Variants in HTATIP2 observed in about 807,000 individuals in gnomAD.
HTATIP2 encodes the protein HIV-1 Tat interactive protein 2, also known as protein HTATIP2.
HTATIP2 carries 26 observed loss-of-function variants against 24.7 expected under a neutral mutation model. That is an observed-to-expected ratio of 1.05 (90% CI 0.77 to 1.46). The LOEUF (loss-of-function observed/expected upper bound fraction) is 1.46. Among genes scored for constraint, HTATIP2 ranks in the 40% most tolerant of loss-of-function variants. The pLI is 0.00. For synonymous variants in HTATIP2, 99 were observed against 113.2 expected, an observed-to-expected ratio of 0.87 and a Z score of 0.79; for missense variants, 284 against 289.6, an observed-to-expected ratio of 0.98 and a Z score of 0.14.
chr11:20,364,224 G>T lies in HTATIP2; in HGVS notation c.-14G>T. 1 of 1,586,910 alleles carries T rather than the reference G, an allele frequency of 6.3e-7. No individual in the cohort carries two copies. Among genetic ancestry groups the T allele is most frequent in the East Asian group, 2.3e-5 (1 of 44,312 alleles). On this transcript the variant is annotated 5_prime_UTR_variant, in exon 1 of 5. It removes an upstream start codon present in the reference 5' UTR. Transcript: ENST00000451739. ...CACCCTAAGACCGGCATCTGTCGAT[G>T]TTATTTCCCCAGCATGGCCGAAACA...
intron 2 of HTATIP2, among the ~76,000 whole-genome samples, chr11:20,372,585 T>A (rs528806981): frequency 2.8e-4 from 43 of 152,288 alleles, no homozygotes; most frequent in African/African-American, 1.0e-3. Context: ...GATTCCTAGC[T>A]TAGAGCAGGA....
At chr11:20,375,795 G>A (rs74939268) in intron 2 of HTATIP2, among the ~76,000 whole-genome samples, 1,702 of 152,224 alleles carry the variant, frequency 0.011, 29 homozygotes, top group African/African-American at 0.037. Context: ...TTTCAGTTAG[G>A]CCCTGGAAGT....
chr11:20,379,057 AAACAACAACAAC>A (rs72394512), intron 3 of HTATIP2, among the ~76,000 whole-genome samples: 1 of 151,368 alleles, frequency 6.6e-6, no homozygotes, highest in Admixed American at 6.6e-5. Context: ...AAAACAAAAC[AAACAACAACAAC>A]AACAACAACA....
chr11:20,373,543 C>T lies in HTATIP2; in HGVS notation c.304-3037C>T, dbSNP rs528988421. On this transcript the variant is annotated intron_variant, in intron 2 of 4. Transcript: ENST00000451739. ...AATCTTTCCCTTATTTTTAAAGAAA[C>T]GGATGAAAGAAAAAGTATTTTAACA... Among the ~76,000 whole-genome samples the T allele has an allele frequency of 7.2e-5, 11 of 152,108 alleles. No homozygotes were observed. The South Asian group carries it at 1.7e-3, about 23-fold the overall frequency.
intron 2 of HTATIP2, 179 bp downstream of exon 2, chr11:20,367,460 G>A (rs900069863): frequency 1.3e-4 from 185 of 1,470,990 alleles, no homozygotes; most frequent in Non-Finnish European, 1.5e-4. Context: ...TGATAAGTTC[G>A]TCTTTCAAAG....
intron 1 of HTATIP2, 74 bp from the exon 2 acceptor site, chr11:20,367,100 C>A: frequency 1.3e-6 from 2 of 1,547,990 alleles, no homozygotes; most frequent in African/African-American, 1.4e-5. Flanking sequence ...GTAACTTAGT[C>A]TTTAAATCTA....
At position 20,364,419 on chromosome 11, in the gene HTATIP2, C is replaced by T. The variant is rs1241386738; in HGVS notation, c.182C>T (p.Ala61Val). The change falls in exon 1 of 5, where the codon GCT becomes GTT. Residue 61 changes from alanine (A) to valine (V), a missense_variant. Transcript: ENST00000451739. ...GRRKLTFDEE[A>V]YKNVNQEVVD... ...AGGAAGCTCACCTTCGACGAGGAAG[C>T]TTATAAAAATGTGGTGGGTATTTCA... 6.2e-7 allele frequency: 1 copy of T among 1,606,768 alleles called. No homozygotes were observed.
In HTATIP2 at chr11:20,363,734, C is replaced by T. The variant is rs1270796270; in HGVS notation, c.-504C>T. The stretch of plus-strand genomic sequence containing the variant: ...GAGGCAGCGTCGCCGCGAGGCCACC[C>T]GGAAGACCAAGCCGGGTAGGCGCTG... On this transcript the variant is annotated 5_prime_UTR_variant, in exon 1 of 5. Transcript: ENST00000451739. 6.5e-6 allele frequency: 8 copies of T among 1,232,508 alleles called. No individual in the cohort carries two copies. Among genetic ancestry groups the T allele is most frequent in the Non-Finnish European group, 8.1e-6 (8 of 986,138 alleles). The allele number at this position is 1,232,508 out of a possible 1,614,324, so 76.3% of individuals were successfully genotyped here.
At chr11:20,377,704 C>T (rs1342447893) in intron 3 of HTATIP2, among the ~76,000 whole-genome samples, 2 of 152,226 alleles carry the variant, frequency 1.3e-5, no homozygotes, top group African/African-American at 4.8e-5. Context: ...ATCTCGTTAG[C>T]CAACTTTTTC....
chr11:20,366,720 A>G (rs1249463556), intron 1 of HTATIP2, among the ~76,000 whole-genome samples: 2 of 151,690 alleles, frequency 1.3e-5, no homozygotes, highest in African/African-American at 2.4e-5. Context: ...TATCACCCCC[A>G]TTTTACAGCT....
At chr11:20,382,141 C>T (rs201832845) in intron 3 of HTATIP2, 37 bp from the exon 4 acceptor site, 23 of 1,258,356 alleles carry the variant, frequency 1.8e-5, no homozygotes, top group African/African-American at 5.9e-5. Context: ...GTGAGCTGGT[C>T]GCGATTAAAT....
At chr11:20,380,671 C>CAAAAAA (rs35392320) in intron 3 of HTATIP2, among the ~76,000 whole-genome samples, 7 of 81,864 alleles carry the variant, frequency 8.6e-5, no homozygotes, top group African/African-American at 1.9e-4. Context: ...GACTCCATCT[C>CAAAAAA]AAAAAAAAAA....
chr11:20,371,359 G>T (rs747941070), intron 2 of HTATIP2, among the ~76,000 whole-genome samples: 1 of 152,196 alleles, frequency 6.6e-6, no homozygotes, highest in East Asian at 1.9e-4. Context: ...CTCCTTGTCT[G>T]TCAGAAGGAG....
At chr11:20,378,590 C>T (rs1848476998) in intron 3 of HTATIP2, among the ~76,000 whole-genome samples, 2 of 152,150 alleles carry the variant, frequency 1.3e-5, no homozygotes, top group Non-Finnish European at 2.9e-5. Flanking sequence ...GATATTTCCT[C>T]ATTGTTAAAG....
At chr11:20,368,145 A>G (rs766650280) in intron 2 of HTATIP2, among the ~76,000 whole-genome samples, 67 of 151,892 alleles carry the variant, frequency 4.4e-4, no homozygotes, top group Non-Finnish European at 8.8e-4. Context: ...AATAAAGCCG[A>G]GGCACAGTGG....
chr11:20,383,349 T>G lies in HTATIP2; in HGVS notation c.*144T>G, dbSNP rs1271953079. Reference sequence around the variant, plus strand: ...CATTCCAATCAAGAAATGATGGTGCTCTGCATCAGTGGTTCAGAGCCTGGT... The same window carrying G: ...CATTCCAATCAAGAAATGATGGTGCGCTGCATCAGTGGTTCAGAGCCTGGT... On this transcript the variant is annotated 3_prime_UTR_variant, in exon 5 of 5. Coordinates refer to ENST00000451739, the MANE Select transcript of HTATIP2 (RefSeq NM_001098522.2). The G allele has an allele frequency of 1.6e-6, 1 of 639,052 alleles. No individual in the cohort carries two copies. The highest frequency in any genetic ancestry group is 2.7e-6 in the Non-Finnish European group (1 of 367,272). 39.6% of individuals were successfully genotyped at this position (639,052 alleles called of 1,614,324 possible).
intron 2 of HTATIP2, among the ~76,000 whole-genome samples, chr11:20,369,780 A>G (rs995210735): frequency 2.0e-5 from 3 of 152,172 alleles, no homozygotes; most frequent in African/African-American, 4.8e-5. Context: ...CTTATTTCCA[A>G]ATAAGGTCAT....
At chr11:20,368,522 G>A (rs1180363137) in intron 2 of HTATIP2, among the ~76,000 whole-genome samples, 1 of 152,222 alleles carries the variant, frequency 6.6e-6, no homozygotes, top group Admixed American at 6.5e-5. Context: ...ATCTCTCCTA[G>A]AAAGGGTCAT....
At position 20,376,571 on chromosome 11, in the gene HTATIP2, C is replaced by T. The variant is rs938452741; in HGVS notation, c.304-9C>T. On this transcript the variant is annotated splice_polypyrimidine_tract_variant and intron_variant, in intron 2 of 4. Coordinates refer to ENST00000451739, the MANE Select transcript of HTATIP2 (RefSeq NM_001098522.2). Reference sequence around the variant, plus strand: ...TTTTGGAAATAACTCATGTCCTTTTCCCCCTTAGGAGGGATTTGTTCGTGT... The same window carrying T: ...TTTTGGAAATAACTCATGTCCTTTTTCCCCTTAGGAGGGATTTGTTCGTGT... The T allele has an allele frequency of 6.2e-7, 1 of 1,613,602 alleles. No individual in the cohort carries two copies. The highest frequency in any genetic ancestry group is 8.5e-7 in the Non-Finnish European group (1 of 1,179,820).
Sources: gnomAD v4.1 joint callset for allele counts (sites outside exome capture counted in the v4.1 genomes callset) on GRCh38, gnomAD v4.1.1 for gene constraint, MANE v1.5 for transcripts, NCBI Gene and HGNC (gene_info 2026-07-23, HGNC 2026-07-21) for gene names.